Variants in SYT9 observed in about 807,000 individuals in gnomAD.
The protein encoded by SYT9 is synaptotagmin 9, also known as synaptotagmin-9.
In SYT9, 22 loss-of-function variants were observed where a neutral mutation model predicts 48.4. The observed-to-expected ratio is 0.45, with a 90% CI of 0.32 to 0.65. The LOEUF (loss-of-function observed/expected upper bound fraction) is 0.65, where lower values mean the gene tolerates loss of function less well. SYT9 is among the 30% of genes least tolerant of loss of function. The probability of loss-of-function intolerance (pLI) is 0.03; values close to 1 mark genes in which losing one functional copy is unlikely to be tolerated. For missense variants in SYT9, 577 were observed against 622.0 expected (o/e 0.93, Z 0.77); for synonymous variants, 265 against 245.0 (o/e 1.08, Z -0.76).
At chr11:7,331,628 G>A (rs1589950911) in intron 3 of SYT9, among the ~76,000 whole-genome samples, 1 of 152,228 alleles carries the variant, frequency 6.6e-6, no homozygotes, top group South Asian at 2.1e-4. Flanking sequence ...GAGGGCTGAG[G>A]TGGGAGCATC....
At chr11:7,388,223 A>G (rs1850697724) in intron 3 of SYT9, among the ~76,000 whole-genome samples, 1 of 152,132 alleles carries the variant, frequency 6.6e-6, no homozygotes, top group African/African-American at 2.4e-5. Flanking sequence ...TATCTAGTTT[A>G]TGAGTTTTGT....
At chr11:7,247,716 C>T (rs867361528), upstream of SYT9, among the ~76,000 whole-genome samples, 2 of 148,752 alleles carry the variant, frequency 1.3e-5, no homozygotes, top group Middle Eastern at 3.5e-3. Context: ...GTTTCTTTAT[C>T]CACTCATTGA....
chr11:7,442,804 A>G (rs1015367517), intron 6 of SYT9, among the ~76,000 whole-genome samples: 1 of 151,886 alleles, frequency 6.6e-6, no homozygotes, highest in Non-Finnish European at 1.5e-5. Flanking sequence ...CATTGACATC[A>G]CTGCAGGTAA....
At chr11:7,298,477 C>T (rs188973761) in intron 1 of SYT9, among the ~76,000 whole-genome samples, 1 of 152,188 alleles carries the variant, frequency 6.6e-6, no homozygotes, top group East Asian at 1.9e-4. Context: ...GCTTGGTTAC[C>T]TCTTTTGAGG....
Position 7,420,389 on chromosome 11 carries a change from CA to C in SYT9, c.1338-114del. ...AGTTTTAAGTGAGGAAATGAAAAAACAAACAAACAAACAAACAAAAAACCAC... is the reference window on the plus strand; with the variant it reads ...AGTTTTAAGTGAGGAAATGAAAAAACAACAAACAAACAAACAAAAAACCAC... On this transcript the variant is annotated intron_variant, in intron 5 of 6. Transcript: ENST00000318881. The C allele has an allele frequency of 2.3e-6, 3 of 1,297,748 alleles. No individual in the cohort carries two copies. In the Middle Eastern group the frequency reaches 6.2e-4, roughly 269 times the overall value. The allele number at this position is 1,297,748 out of a possible 1,614,324, so 80.4% of individuals were successfully genotyped here.
intron 2 of SYT9, among the ~76,000 whole-genome samples, chr11:7,311,898 CAGTTTT>C (rs1430224413): frequency 6.6e-6 from 1 of 152,176 alleles, no homozygotes; most frequent in Non-Finnish European, 1.5e-5. Flanking sequence ...CTCAGAAAGC[CAGTTTT>C]AGATGCTTAA....
chr11:7,419,934 A>T (rs1015020897), intron 5 of SYT9, among the ~76,000 whole-genome samples: 1 of 152,208 alleles, frequency 6.6e-6, no homozygotes, highest in Admixed American at 6.5e-5. Flanking sequence ...CAAAGGAGCT[A>T]TGTATCTTTC....
At chr11:7,274,285 A>G (rs1483040954) in intron 1 of SYT9, among the ~76,000 whole-genome samples, 1 of 149,342 alleles carries the variant, frequency 6.7e-6, no homozygotes, top group African/African-American at 2.5e-5. Flanking sequence ...TCATGATTCT[A>G]CACTCTTTCC....
At chr11:7,307,351 G>A (rs1162302070) in intron 2 of SYT9, among the ~76,000 whole-genome samples, 1 of 152,122 alleles carries the variant, frequency 6.6e-6, no homozygotes, top group African/African-American at 2.4e-5. Flanking sequence ...CATAATTTTT[G>A]AATTATAGTT....
At chr11:7,403,601 C>T (rs947959044) in intron 3 of SYT9, among the ~76,000 whole-genome samples, 2 of 151,810 alleles carry the variant, frequency 1.3e-5, no homozygotes, top group Non-Finnish European at 2.9e-5. Flanking sequence ...GTATTAGTTT[C>T]CAAATACACT....
At chr11:7,266,905 G>A (rs1223634278) in intron 1 of SYT9, among the ~76,000 whole-genome samples, 1 of 152,034 alleles carries the variant, frequency 6.6e-6, no homozygotes, top group Admixed American at 6.6e-5. Context: ...AGTTAGCTTT[G>A]TAGTACTTGA....
chr11:7,309,607 T>C (rs1849093190), intron 2 of SYT9, among the ~76,000 whole-genome samples: 1 of 152,222 alleles, frequency 6.6e-6, no homozygotes. Flanking sequence ...AGGTAATGGC[T>C]CTATATTCCG....
intron 1 of SYT9, among the ~76,000 whole-genome samples, chr11:7,300,201 G>T (rs1365186104): frequency 6.6e-6 from 1 of 151,504 alleles, no homozygotes; most frequent in Non-Finnish European, 1.5e-5. Context: ...TAATGGATCT[G>T]TGGATCAGCT....
intron 3 of SYT9, among the ~76,000 whole-genome samples, chr11:7,372,890 T>A (rs957050990): frequency 2.6e-5 from 4 of 152,136 alleles, no homozygotes; most frequent in African/African-American, 9.7e-5. Flanking sequence ...CCGATACTGA[T>A]CCTGAATATA....
At chr11:7,254,469 G>A (rs2119772040) in intron 1 of SYT9, among the ~76,000 whole-genome samples, 1 of 152,190 alleles carries the variant, frequency 6.6e-6, no homozygotes, top group Admixed American at 6.5e-5. Context: ...TCTTACATCA[G>A]ATGCATTTGT....
intron 3 of SYT9, among the ~76,000 whole-genome samples, chr11:7,381,510 G>A (rs1850564217): frequency 6.6e-6 from 1 of 152,178 alleles, no homozygotes; most frequent in Admixed American, 6.5e-5. Context: ...TAGACAGTGG[G>A]CCCCTATGGA....
intron 3 of SYT9, among the ~76,000 whole-genome samples, chr11:7,389,742 AC>A (rs1266120222): frequency 3.9e-5 from 6 of 152,290 alleles, no homozygotes; most frequent in Admixed American, 3.9e-4. Flanking sequence ...ATCAGTGAAA[AC>A]AAGTTATCCA....
rs555632219 is a variant in SYT9 at position 7,443,325 on chromosome 11, A to G, written c.1467+22690A>G. Among the ~76,000 whole-genome samples the G allele has an allele frequency of 2.3e-4, 35 of 152,348 alleles. No individual in the cohort carries two copies. The South Asian group carries it at 6.8e-3, about 30-fold the overall frequency. ...CTGAGGAAATAGACATAAGAAAATAATTAGATTGTTTAATAACAGTTATGG... is the reference window on the plus strand; with the variant it reads ...CTGAGGAAATAGACATAAGAAAATAGTTAGATTGTTTAATAACAGTTATGG... On this transcript the variant is annotated intron_variant, in intron 6 of 6. Coordinates refer to ENST00000318881, the MANE Select transcript of SYT9 (RefSeq NM_175733.4).
chr11:7,252,251 G>A lies in SYT9; in HGVS notation c.65G>A (p.Arg22His), dbSNP rs1198151366. The change falls in exon 1 of 7, where the codon CGT becomes CAT. Residue 22 changes from arginine to histidine, a missense_variant. Coordinates refer to ENST00000318881, the MANE Select transcript of SYT9 (RefSeq NM_175733.4). This position sits in a 1 kb window ranked among gnomAD's most constrained non-coding sequence, Gnocchi z 6.3. ...ALQLLAELCA[R>H]GALEHDSCQD... ...CAGCTGCTGGCCGAGCTCTGTGCCC[G>A]TGGGGCCCTGGAGCACGACAGCTGC... The A allele has an allele frequency of 1.6e-5, 24 of 1,505,922 alleles. No individual in the cohort carries two copies. Among genetic ancestry groups the A allele is most frequent in the East Asian group, 8.6e-5 (3 of 35,066 alleles). 93.3% of individuals were successfully genotyped at this position (1,505,922 alleles called of 1,614,324 possible).
Sources: gnomAD v4.1 joint callset for allele counts (sites outside exome capture counted in the v4.1 genomes callset) on GRCh38, gnomAD v4.1.1 for gene constraint, Gnocchi (gnomAD v3.1) non-coding constraint, MANE v1.5 for transcripts, NCBI Gene and HGNC (gene_info 2026-07-23, HGNC 2026-07-21) for gene names.